CCDC192: variants seen among roughly 807,000 people sequenced by gnomAD.
The protein encoded by CCDC192 is coiled-coil domain-containing protein 192.
intron 3 of CCDC192, among the ~76,000 whole-genome samples, chr5:127,792,823 AAGAAGG>A (rs549939267): frequency 0.015 from 2,275 of 150,914 alleles, 35 homozygotes; most frequent in African/African-American, 0.032. Context: ...GAAGAAGAAG[AAGAAGG>A]AGGAGGAGGA....
At position 127,805,572 on chromosome 5, in the gene CCDC192, C is replaced by T. The variant is rs183314695; in HGVS notation, c.411+7410C>T. Among the ~76,000 whole-genome samples, 111 of 152,312 alleles carry T rather than the reference C, an allele frequency of 7.3e-4. 1 individual carries two copies. The highest frequency in any genetic ancestry group is 3.9e-4 in the East Asian group (2 of 5,186). On this transcript the variant is annotated intron_variant, in intron 5 of 6. Transcript: ENST00000514853. ...GTTAATCAGTGGTTATAATAGAGTT[C>T]TACCTGTGCCAATGAGGAATAGGGA...
At chr5:127,782,895 A>G (rs1033327413) in intron 3 of CCDC192, among the ~76,000 whole-genome samples, 1 of 151,518 alleles carries the variant, frequency 6.6e-6, no homozygotes, top group East Asian at 1.9e-4. Context: ...TTGAGGTGTG[A>G]CCATAGATTG....
chr5:127,757,863 A>G (rs551607833), intron 3 of CCDC192, among the ~76,000 whole-genome samples: 20 of 149,760 alleles, frequency 1.3e-4, no homozygotes, highest in African/African-American at 4.7e-4. Flanking sequence ...TTGAAGGAAT[A>G]TTTTTGCCTG....
intron 6 of CCDC192, among the ~76,000 whole-genome samples, chr5:127,899,715 G>T (rs1752988756): frequency 6.6e-6 from 1 of 152,132 alleles, no homozygotes; most frequent in African/African-American, 2.4e-5. Flanking sequence ...TCTTAATCTT[G>T]CAGGACCAGA....
intron 6 of CCDC192, among the ~76,000 whole-genome samples, chr5:127,918,412 A>C (rs1045760031): frequency 1.3e-5 from 2 of 152,138 alleles, no homozygotes; most frequent in Non-Finnish European, 2.9e-5. Context: ...AGCATGAGCA[A>C]CATAAGAAGA....
intron 2 of CCDC192, among the ~76,000 whole-genome samples, chr5:127,713,578 C>T (rs1397868068): frequency 6.6e-6 from 1 of 152,072 alleles, no homozygotes; most frequent in Non-Finnish European, 1.5e-5. Flanking sequence ...TCTAATTTAT[C>T]AATTTGTATT....
At chr5:127,832,371 C>G (rs948588834) in intron 5 of CCDC192, among the ~76,000 whole-genome samples, 2 of 152,202 alleles carry the variant, frequency 1.3e-5, no homozygotes, top group Non-Finnish European at 1.5e-5. Flanking sequence ...TCTATCTGTG[C>G]AATCCCACTT....
At chr5:127,719,430 T>A (rs11954547) in intron 2 of CCDC192, among the ~76,000 whole-genome samples, 1 of 142,232 alleles carries the variant, frequency 7.0e-6, no homozygotes, top group African/African-American at 2.7e-5. Context: ...TATATATATA[T>A]ACACACACAT....
rs184290531 is a variant in CCDC192, at chr5:127,863,274, A to G, written c.412-12264A>G. Among the ~76,000 whole-genome samples, 295 of 152,344 alleles carry G rather than the reference A, an allele frequency of 1.9e-3. 2 individuals carry two copies. The highest frequency in any genetic ancestry group is 6.8e-3 in the African/African-American group (283 of 41,572). On this transcript the variant is annotated intron_variant, in intron 5 of 6. Coordinates refer to ENST00000514853, the MANE Select transcript of CCDC192 (RefSeq NM_001317938.2). ...AAACAACCCAAGTGTTTATCCATGG[A>G]TGAATGAATAAACAATATGTATACA...
chr5:127,881,541 A>G (rs1004690750), intron 6 of CCDC192, among the ~76,000 whole-genome samples: 4 of 152,244 alleles, frequency 2.6e-5, no homozygotes, highest in Non-Finnish European at 5.9e-5. Context: ...GAATATTTTT[A>G]GGCATATTCA....
chr5:127,719,831 G>GCC (rs1554068200), intron 2 of CCDC192, among the ~76,000 whole-genome samples: 4 of 66,814 alleles, frequency 6.0e-5, no homozygotes, highest in Non-Finnish European at 6.8e-5. Flanking sequence ...TCAGAGGAAG[G>GCC]GGCGGGGGAG....
At chr5:127,723,880 T>C (rs1169880189) in intron 2 of CCDC192, among the ~76,000 whole-genome samples, 1 of 152,228 alleles carries the variant, frequency 6.6e-6, no homozygotes, top group Non-Finnish European at 1.5e-5. Flanking sequence ...CAGGTCTTCA[T>C]GTCAATAGCT....
At chr5:127,778,295 T>C (rs1755990742) in intron 3 of CCDC192, among the ~76,000 whole-genome samples, 1 of 152,226 alleles carries the variant, frequency 6.6e-6, no homozygotes, top group African/African-American at 2.4e-5. Flanking sequence ...AGTTTCCTTT[T>C]CTTTTCCTAC....
intron 2 of CCDC192, among the ~76,000 whole-genome samples, chr5:127,754,003 T>C (rs1409224104): frequency 1.3e-5 from 2 of 152,240 alleles, no homozygotes; most frequent in African/African-American, 4.8e-5. Flanking sequence ...CAAATTCCAA[T>C]GACAGTTATT....
chr5:127,800,546 T>C (rs1355180439), intron 5 of CCDC192, among the ~76,000 whole-genome samples: 1 of 152,130 alleles, frequency 6.6e-6, no homozygotes, highest in East Asian at 1.9e-4. Context: ...AATGGTGATT[T>C]GTAACACACA....
intron 2 of CCDC192, among the ~76,000 whole-genome samples, chr5:127,750,007 T>C (rs1754041102): frequency 6.6e-6 from 1 of 151,616 alleles, no homozygotes; most frequent in Admixed American, 6.6e-5. Flanking sequence ...TCTCTCTTTT[T>C]TTCTTTATTA....
intron 6 of CCDC192, among the ~76,000 whole-genome samples, chr5:127,887,428 G>A (rs11743614): frequency 0.37 from 56,487 of 151,428 alleles, 11,096 homozygotes; most frequent in Non-Finnish European, 0.44. Context: ...TGACTTCAGG[G>A]AAATGTGTCA....
At chr5:127,937,199 A>G (rs1310454232) in intron 6 of CCDC192, among the ~76,000 whole-genome samples, 1 of 152,090 alleles carries the variant, frequency 6.6e-6, no homozygotes, top group Non-Finnish European at 1.5e-5. Context: ...GTCTATTAGT[A>G]TTTTCATTTA....
chr5:127,828,752 A>G lies in CCDC192; in HGVS notation c.411+30590A>G, dbSNP rs1315820190. Among the ~76,000 whole-genome samples, 3 of 152,202 alleles carry G rather than the reference A, an allele frequency of 2.0e-5. No homozygotes were observed. In the East Asian group the frequency reaches 5.8e-4, roughly 29 times the overall value. ...GGAAATATGAAGTGTCCATAGGAAT[A>G]GAGGTGAGAACATCAAGGAGAAGGG... On this transcript the variant is annotated intron_variant, in intron 5 of 6. Coordinates refer to ENST00000514853, the MANE Select transcript of CCDC192 (RefSeq NM_001317938.2).
Sources: gnomAD v4.1 joint callset for allele counts (sites outside exome capture counted in the v4.1 genomes callset) on GRCh38, gnomAD v4.1.1 for gene constraint, MANE v1.5 for transcripts, NCBI Gene and HGNC (gene_info 2026-07-23, HGNC 2026-07-21) for gene names.